Variants in RNF212B observed in about 807,000 individuals in gnomAD.
RNF212B encodes E3 ubiquitin-protein ligase RNF212B.
RNF212B carries 52 observed loss-of-function variants against 55.5 expected under a neutral mutation model. The ratio of observed to expected loss-of-function variants is 0.94; its 90% confidence interval spans 0.75 to 1.18. RNF212B has a LOEUF of 1.18. Ranked by LOEUF, RNF212B falls within the 50% of genes most tolerant of loss-of-function variation. The pLI is 0.00. For synonymous variants in RNF212B, 99 were observed against 121.4 expected, an observed-to-expected ratio of 0.82 and a Z score of 1.21; for missense variants, 289 against 350.4, an observed-to-expected ratio of 0.82 and a Z score of 1.40.
upstream of RNF212B, among the ~76,000 whole-genome samples, chr14:23,233,371 C>A (rs1338595295): frequency 6.6e-6 from 1 of 151,152 alleles, no homozygotes; most frequent in African/African-American, 2.4e-5. Flanking sequence ...CTGCCAAATG[C>A]CCCTCTGCGA....
At chr14:23,203,896 T>G (rs986786423) in intron 2 of RNF212B, among the ~76,000 whole-genome samples, 1 of 152,100 alleles carries the variant, frequency 6.6e-6, no homozygotes, top group Non-Finnish European at 1.5e-5. Context: ...ACATCTACAG[T>G]TTTTTGATTT....
intron 2 of RNF212B, among the ~76,000 whole-genome samples, chr14:23,196,053 T>C (rs1003841014): frequency 1.3e-5 from 2 of 152,240 alleles, no homozygotes; most frequent in African/African-American, 4.8e-5. Flanking sequence ...AATTCTTCTC[T>C]GGATGCTTAC....
chr14:23,213,486 G>A (rs549530501), intron 2 of RNF212B, among the ~76,000 whole-genome samples: 1 of 152,092 alleles, frequency 6.6e-6, no homozygotes, highest in African/African-American at 2.4e-5. Context: ...CAGGAGTCAT[G>A]AGGCGGAAAG....
At chr14:23,272,747 C>A in intron 14 of RNF212B, 76 bp from the exon 15 acceptor site, 2 of 891,170 alleles carry the variant, frequency 2.2e-6, no homozygotes, top group Non-Finnish European at 3.6e-6. Flanking sequence ...AAGCTTCATA[C>A]AACAGGTCAG....
chr14:23,262,736 A>G (rs1290640570), intron 8 of RNF212B, 25 bp downstream of exon 8: 2 of 1,546,756 alleles, frequency 1.3e-6, no homozygotes, highest in South Asian at 1.2e-5. Context: ...TCCCCTAAAT[A>G]TCTGTGTGAG....
At chr14:23,199,371 C>T (rs1879059641) in intron 2 of RNF212B, among the ~76,000 whole-genome samples, 2 of 152,060 alleles carry the variant, frequency 1.3e-5, no homozygotes, top group African/African-American at 4.8e-5. Context: ...GTTAGCCTTT[C>T]CAAAGGAGGC....
chr14:23,228,588 G>T (rs2140416100), intron 2 of RNF212B, among the ~76,000 whole-genome samples: 1 of 151,942 alleles, frequency 6.6e-6, no homozygotes, highest in South Asian at 2.1e-4. Context: ...CTTCCAGGTT[G>T]CAGTGACTTG....
chr14:23,213,094 C>T (rs1880693547), intron 2 of RNF212B, among the ~76,000 whole-genome samples: 1 of 151,984 alleles, frequency 6.6e-6, no homozygotes, highest in Non-Finnish European at 1.5e-5. Context: ...GGGCATATCA[C>T]AAGGTCAGGA....
intron 1 of RNF212B, among the ~76,000 whole-genome samples, chr14:23,238,417 G>T (rs1018936758): frequency 6.6e-6 from 1 of 151,774 alleles, no homozygotes; most frequent in African/African-American, 2.4e-5. Flanking sequence ...TCCCTCAGCG[G>T]TTACACACAC....
At chr14:23,266,107 T>C (rs7142944) in intron 11 of RNF212B, among the ~76,000 whole-genome samples, 53,506 of 151,612 alleles carry the variant, frequency 0.35, 10,617 homozygotes, top group African/African-American at 0.55. Flanking sequence ...TACAGGCACG[T>C]GCCACCATGC....
chr14:23,215,730 A>T (rs558822220), intron 2 of RNF212B, among the ~76,000 whole-genome samples: 2 of 152,348 alleles, frequency 1.3e-5, no homozygotes, highest in South Asian at 4.1e-4. Context: ...TGGCTAATGA[A>T]AATTTTTCAA....
At chr14:23,216,045 A>C (rs1881036604) in intron 2 of RNF212B, among the ~76,000 whole-genome samples, 2 of 148,918 alleles carry the variant, frequency 1.3e-5, no homozygotes, top group Admixed American at 6.9e-5. Flanking sequence ...GGAGATCGAG[A>C]CCATCCTGGC....
chr14:23,250,192 A>G (rs1365942857), intron 4 of RNF212B, among the ~76,000 whole-genome samples: 1 of 152,146 alleles, frequency 6.6e-6, no homozygotes, highest in Non-Finnish European at 1.5e-5. Context: ...TTTAAAAACT[A>G]AGTTAGGCCA....
intron 2 of RNF212B, among the ~76,000 whole-genome samples, chr14:23,199,047 C>T (rs1419777352): frequency 1.3e-5 from 2 of 152,098 alleles, no homozygotes; most frequent in African/African-American, 2.4e-5. Context: ...TAGCAATGGG[C>T]ACATCTTGTG....
chr14:23,270,096 T>G, intron 13 of RNF212B, 136 bp downstream of exon 13: 2 of 624,804 alleles, frequency 3.2e-6, no homozygotes, highest in South Asian at 2.0e-5. Context: ...CTTAATATTC[T>G]TTAAGAGCCA....
At chr14:23,240,876 G>C (rs1370134926) in intron 2 of RNF212B, among the ~76,000 whole-genome samples, 1 of 152,178 alleles carries the variant, frequency 6.6e-6, no homozygotes, top group African/African-American at 2.4e-5. Context: ...AGCTTAAAAA[G>C]CAGTTTCATA....
chr14:23,189,621 A>G (rs959301916), intron 1 of RNF212B, among the ~76,000 whole-genome samples: 1 of 151,952 alleles, frequency 6.6e-6, no homozygotes, highest in African/African-American at 2.4e-5. Flanking sequence ...TGGGCAATAT[A>G]GCAAAACCTT....
intron 9 of RNF212B, 85 bp downstream of exon 9, chr14:23,263,055 T>C: frequency 1.6e-6 from 2 of 1,264,428 alleles, no homozygotes; most frequent in African/African-American, 1.5e-5. Flanking sequence ...TTGGGACTGA[T>C]GAAATTTTAG....
intron 2 of RNF212B, among the ~76,000 whole-genome samples, chr14:23,226,253 G>T (rs1486097744): frequency 2.1e-5 from 3 of 141,460 alleles, no homozygotes; most frequent in South Asian, 2.2e-4. Context: ...AGCCAAGATC[G>T]CTCGCTGCAC....
Sources: allele counts gnomAD v4.1 joint callset (sites outside exome capture counted in the v4.1 genomes callset), GRCh38; gene constraint gnomAD v4.1.1; transcripts MANE v1.5; gene names NCBI Gene and HGNC (gene_info 2026-07-23, HGNC 2026-07-21).